Variants in ASTN2 observed in about 807,000 individuals in gnomAD.
ASTN2 encodes the protein astrotactin 2.
ASTN2 carries 54 observed loss-of-function variants against 139.8 expected under a neutral mutation model. That is an observed-to-expected ratio of 0.39 (90% CI 0.31 to 0.48). ASTN2 has a LOEUF of 0.48. ASTN2 is among the 20% of genes least tolerant of loss of function. The probability of loss-of-function intolerance (pLI) is 0.95; values close to 1 mark genes in which losing one functional copy is unlikely to be tolerated. For missense variants in ASTN2, 1,565 were observed against 1,725.1 expected (o/e 0.91, Z 1.64); for synonymous variants, 756 against 719.5 (o/e 1.05, Z -0.81).
intron 10 of ASTN2, among the ~76,000 whole-genome samples, chr9:116,902,673 A>G (rs1834044478): frequency 6.6e-6 from 1 of 152,030 alleles, no homozygotes; most frequent in Admixed American, 6.6e-5. Context: ...TTCTCAGAAG[A>G]TATCCCTGTT....
chr9:117,030,464 C>T (rs769199031), intron 6 of ASTN2, among the ~76,000 whole-genome samples: 4 of 152,172 alleles, frequency 2.6e-5, no homozygotes, highest in Non-Finnish European at 4.4e-5. Flanking sequence ...GGACGTCAAA[C>T]TCAGTTATCT....
intron 1 of ASTN2, among the ~76,000 whole-genome samples, chr9:117,406,255 A>G (rs954427371): frequency 6.6e-6 from 1 of 152,182 alleles, no homozygotes. Context: ...CCAAGCCACC[A>G]TTACTTTTCA....
At chr9:116,474,363 G>A (rs753176477) in intron 20 of ASTN2, among the ~76,000 whole-genome samples, 1 of 152,190 alleles carries the variant, frequency 6.6e-6, no homozygotes, top group Non-Finnish European at 1.5e-5. Flanking sequence ...AGTGGTGTTT[G>A]CAGTCTCACT....
At chr9:116,840,836 C>A (rs1246708073) in intron 11 of ASTN2, among the ~76,000 whole-genome samples, 1 of 150,920 alleles carries the variant, frequency 6.6e-6, no homozygotes, top group African/African-American at 2.4e-5. Flanking sequence ...CGGGAAGAGG[C>A]GCTCCTCACT....
At chr9:117,212,128 T>C (rs1832154718) in intron 3 of ASTN2, among the ~76,000 whole-genome samples, 1 of 152,194 alleles carries the variant, frequency 6.6e-6, no homozygotes, top group Admixed American at 6.5e-5. Flanking sequence ...GTCTACTGAC[T>C]TTTTACAAAG....
chr9:116,563,017 A>C (rs998458868), intron 19 of ASTN2, among the ~76,000 whole-genome samples: 1 of 152,108 alleles, frequency 6.6e-6, no homozygotes, highest in Non-Finnish European at 1.5e-5. Flanking sequence ...TAAGTAGACC[A>C]TTGCAGAGTA....
At chr9:116,466,046 T>C (rs1588085253) in intron 20 of ASTN2, among the ~76,000 whole-genome samples, 1 of 152,222 alleles carries the variant, frequency 6.6e-6, no homozygotes, top group African/African-American at 2.4e-5. Flanking sequence ...GCAAAGCGTA[T>C]TGCACAAATA....
intron 2 of ASTN2, among the ~76,000 whole-genome samples, chr9:117,259,739 G>A (rs140510239): frequency 5.7e-4 from 86 of 152,208 alleles, no homozygotes; most frequent in Middle Eastern, 3.4e-3. Context: ...GATGTATTAT[G>A]TCTCCCTAAA....
intron 1 of ASTN2, among the ~76,000 whole-genome samples, chr9:117,396,639 C>T (rs944215045): frequency 6.6e-6 from 1 of 152,086 alleles, no homozygotes; most frequent in Middle Eastern, 3.2e-3. Flanking sequence ...GATCTTGGCT[C>T]ACTGCAAACT....
chr9:116,904,211 G>T (rs183194091), intron 10 of ASTN2, among the ~76,000 whole-genome samples: 2 of 152,154 alleles, frequency 1.3e-5, no homozygotes, highest in Non-Finnish European at 2.9e-5. Context: ...CATACATACG[G>T]TAGAAATTGA....
At chr9:117,052,273 TA>T (rs60086151) in intron 5 of ASTN2, among the ~76,000 whole-genome samples, 3,065 of 151,872 alleles carry the variant, frequency 0.02, 93 homozygotes, top group African/African-American at 0.07. Flanking sequence ...ACCCCGTCTT[TA>T]CTAAAAATAC....
rs916607466 is a variant in ASTN2, at chr9:116,976,727, C to T, written c.1650G>A (p.Val550=). 2 of 1,614,136 alleles carry T rather than the reference C, an allele frequency of 1.2e-6. No individual in the cohort carries two copies. Among genetic ancestry groups the T allele is most frequent in the Non-Finnish European group, 1.7e-6 (2 of 1,179,998 alleles). The change falls in exon 8 of 23, where the codon GTG becomes GTA. Residue 550 remains valine (V), a synonymous_variant. Transcript: ENST00000313400. ...APDPVHRHLC[V]RSDWGQSEGP... ...CTTCACTCTGTCCCCAGTCACTGCG[C>T]ACACACAGGTGTCTGTGAACAGGGT...
intron 2 of ASTN2, among the ~76,000 whole-genome samples, chr9:117,284,758 A>T (rs549846134): frequency 2.0e-5 from 3 of 152,298 alleles, no homozygotes; most frequent in Admixed American, 2.0e-4. Context: ...TATGTGCTTT[A>T]TATCTATCAT....
chr9:117,266,304 C>T (rs1833937699), intron 2 of ASTN2, among the ~76,000 whole-genome samples: 4 of 152,022 alleles, frequency 2.6e-5, no homozygotes. Flanking sequence ...AGCACACATG[C>T]AACAGAAACT....
chr9:116,453,444 A>C (rs1588073457), intron 20 of ASTN2, among the ~76,000 whole-genome samples: 1 of 151,446 alleles, frequency 6.6e-6, no homozygotes, highest in Admixed American at 6.6e-5. Context: ...ATACAAAAAA[A>C]TTAGCTGGGC....
intron 16 of ASTN2, among the ~76,000 whole-genome samples, chr9:116,663,301 C>G (rs1373113163): frequency 1.3e-5 from 2 of 152,052 alleles, no homozygotes; most frequent in African/African-American, 2.4e-5. Flanking sequence ...ACCTTGGGGC[C>G]AGTAGGAGGC....
At chr9:117,109,003 G>A (rs776712070) in intron 4 of ASTN2, among the ~76,000 whole-genome samples, 4 of 152,016 alleles carry the variant, frequency 2.6e-5, no homozygotes, top group Non-Finnish European at 5.9e-5. Flanking sequence ...CTGTCCTTCC[G>A]GCTGGGCATG....
chr9:117,216,537 G>A lies in ASTN2; in HGVS notation c.631-1795C>T, dbSNP rs547372393. 3.3e-5 allele frequency among the ~76,000 whole-genome samples: 5 copies of A among 152,236 alleles called. No individual in the cohort carries two copies. In the East Asian group the frequency reaches 5.8e-4, roughly 18 times the overall value. Reference sequence around the variant, plus strand: ...TTTATGTGTGTATTTGTGTGTGTGTGTTTGTGTGTGTGTAGAATCTATTAA... The same window carrying A: ...TTTATGTGTGTATTTGTGTGTGTGTATTTGTGTGTGTGTAGAATCTATTAA... On this transcript the variant is annotated intron_variant, in intron 2 of 22. Coordinates refer to ENST00000313400, the MANE Select transcript of ASTN2 (RefSeq NM_001365068.1).
intron 16 of ASTN2, among the ~76,000 whole-genome samples, chr9:116,660,733 GA>G (rs1858510484): frequency 1.3e-5 from 2 of 152,168 alleles, no homozygotes; most frequent in Non-Finnish European, 2.9e-5. Context: ...GAAGACAGTA[GA>G]CCAGGGTAGA....
Sources: allele counts gnomAD v4.1 joint callset (sites outside exome capture counted in the v4.1 genomes callset), GRCh38; gene constraint gnomAD v4.1.1; transcripts MANE v1.5; gene names NCBI Gene and HGNC (gene_info 2026-07-23, HGNC 2026-07-21).